Variants in USP10 observed in about 807,000 individuals in gnomAD.
USP10 encodes the protein ubiquitin carboxyl-terminal hydrolase 10.
USP10 carries 22 observed loss-of-function variants against 84.5 expected under a neutral mutation model. That is an observed-to-expected ratio of 0.26 (90% CI 0.19 to 0.37). USP10 has a LOEUF of 0.37. USP10 is among the 10% of genes least tolerant of loss of function. The pLI is 1.00. For synonymous variants in USP10, 454 were observed against 387.6 expected, an observed-to-expected ratio of 1.17 and a Z score of -2.01; for missense variants, 1,019 against 998.9, an observed-to-expected ratio of 1.02 and a Z score of -0.27.
chr16:84,773,500 G>A (rs182279230), intron 12 of USP10, among the ~76,000 whole-genome samples: 2 of 152,078 alleles, frequency 1.3e-5, no homozygotes, highest in Non-Finnish European at 2.9e-5. Flanking sequence ...GCTTCTAGCC[G>A]GCTCCCTGTC....
chr16:84,778,455 G>C (rs1915245615), intron 13 of USP10, among the ~76,000 whole-genome samples: 1 of 152,098 alleles, frequency 6.6e-6, no homozygotes, highest in African/African-American at 2.4e-5. Flanking sequence ...GGCTATTGAG[G>C]TTTTCCGTTT....
At chr16:84,774,216 C>G (rs373959539) in intron 12 of USP10, among the ~76,000 whole-genome samples, 85 of 151,954 alleles carry the variant, frequency 5.6e-4, no homozygotes, top group African/African-American at 2.0e-3. Flanking sequence ...GCACTCCAGC[C>G]TGGGCAACAG....
intron 2 of USP10, among the ~76,000 whole-genome samples, chr16:84,739,390 G>C (rs1286967096): frequency 6.6e-6 from 1 of 152,062 alleles, no homozygotes; most frequent in Non-Finnish European, 1.5e-5. Context: ...TCCTGCCTTA[G>C]CCTCCCAAGT....
At chr16:84,744,045 C>G (rs1461203084) in intron 3 of USP10, among the ~76,000 whole-genome samples, 2 of 141,154 alleles carry the variant, frequency 1.4e-5, no homozygotes, top group Non-Finnish European at 3.1e-5. Context: ...ATATAGGATT[C>G]TTTGTTGTTG....
At chr16:84,765,085 C>A (rs1362472009) in intron 10 of USP10, among the ~76,000 whole-genome samples, 5 of 150,302 alleles carry the variant, frequency 3.3e-5, no homozygotes, top group East Asian at 1.9e-4. Context: ...AAAAAAAAAA[C>A]CAGCTAACCA....
At chr16:84,751,259 A>G (rs915386750) in intron 4 of USP10, among the ~76,000 whole-genome samples, 3 of 152,244 alleles carry the variant, frequency 2.0e-5, no homozygotes, top group African/African-American at 4.8e-5. Context: ...TGATCCCACA[A>G]TGACAAAATT....
intron 4 of USP10, among the ~76,000 whole-genome samples, chr16:84,749,234 A>G (rs1246127031): frequency 1.3e-5 from 2 of 152,232 alleles, no homozygotes; most frequent in African/African-American, 4.8e-5. Context: ...GTTTGTTACA[A>G]GTCAGATCCA....
chr16:84,700,198 C>A, intron 1 of USP10, 87 bp downstream of exon 1: 2 of 1,057,760 alleles, frequency 1.9e-6, no homozygotes, highest in South Asian at 3.7e-5. Context: ...GCGCCCTGCC[C>A]GGAGCGAGCG....
At chr16:84,723,506 C>G (rs542536665) in intron 1 of USP10, among the ~76,000 whole-genome samples, 1 of 152,148 alleles carries the variant, frequency 6.6e-6, no homozygotes, top group African/African-American at 2.4e-5. Flanking sequence ...AGCCCACTGA[C>G]GCCTGGGAAG....
chr16:84,718,096 A>G (rs1907289977), intron 1 of USP10, among the ~76,000 whole-genome samples: 1 of 152,232 alleles, frequency 6.6e-6, no homozygotes, highest in African/African-American at 2.4e-5. Flanking sequence ...ACTTGACTAC[A>G]TTGCGAAGGG....
At position 84,707,658 on chromosome 16, in the gene USP10, T is replaced by A. The variant is rs147409889; in HGVS notation, c.21+7547T>A. 5.9e-5 allele frequency among the ~76,000 whole-genome samples: 9 copies of A among 152,378 alleles called. No individual in the cohort carries two copies. In the East Asian group the frequency reaches 1.7e-3, roughly 29 times the overall value. ...CAGTTTTCTTAGGTTTACCTAATTTTGCCAGGGAATGAAGCAGATATTCTG... is the reference window on the plus strand; with the variant it reads ...CAGTTTTCTTAGGTTTACCTAATTTAGCCAGGGAATGAAGCAGATATTCTG... On this transcript the variant is annotated intron_variant, in intron 1 of 13. Transcript: ENST00000219473.
chr16:84,711,576 T>G (rs1261938308), intron 1 of USP10, among the ~76,000 whole-genome samples: 4 of 152,218 alleles, frequency 2.6e-5, no homozygotes, highest in African/African-American at 9.6e-5. Flanking sequence ...CCCAAACTGG[T>G]GCTGAAATAA....
chr16:84,742,974 C>G (rs980822234), intron 3 of USP10, among the ~76,000 whole-genome samples: 6 of 152,168 alleles, frequency 3.9e-5, no homozygotes, highest in African/African-American at 1.4e-4. Context: ...ACAACACGTT[C>G]TAGTTTCTAA....
At chr16:84,735,213 GTGT>G (rs1482221141) in intron 2 of USP10, among the ~76,000 whole-genome samples, 2 of 63,082 alleles carry the variant, frequency 3.2e-5, no homozygotes, top group East Asian at 1.7e-3. Flanking sequence ...GTGTGTGTGT[GTGT>G]GTGTGTGTGT....
intron 1 of USP10, among the ~76,000 whole-genome samples, chr16:84,726,486 A>T (rs865909678): frequency 1.3e-5 from 2 of 152,230 alleles, no homozygotes; most frequent in Non-Finnish European, 2.9e-5. Flanking sequence ...TGAGGGCCGT[A>T]GTGGCCTCCA....
In USP10 at chr16:84,778,886, C is replaced by G; in HGVS notation, c.2210-9C>G. 2 of 1,611,138 alleles carry G rather than the reference C, an allele frequency of 1.2e-6. No individual in the cohort carries two copies. Among genetic ancestry groups the G allele is most frequent in the Non-Finnish European group, 8.5e-7 (1 of 1,178,242 alleles). On this transcript the variant is annotated splice_polypyrimidine_tract_variant and intron_variant, in intron 13 of 13. Transcript: ENST00000219473. ...TTCTCACTCTGCTGCCTGCTGGGCT[C>G]TCTTCCAGTGGTCTACCATCACGGC...
At chr16:84,749,574 TA>T (rs35825970) in intron 4 of USP10, among the ~76,000 whole-genome samples, 250 of 146,348 alleles carry the variant, frequency 1.7e-3, no homozygotes, top group East Asian at 5.3e-3. Flanking sequence ...ACCCCATCTT[TA>T]AAAAAAAAAA....
At chr16:84,705,969 A>T (rs1192861134) in intron 1 of USP10, among the ~76,000 whole-genome samples, 2 of 151,922 alleles carry the variant, frequency 1.3e-5, no homozygotes, top group Non-Finnish European at 2.9e-5. Context: ...TGATCCACCT[A>T]CCTTGGCCTC....
At chr16:84,756,261 G>C (rs921657784) in intron 4 of USP10, among the ~76,000 whole-genome samples, 4 of 152,214 alleles carry the variant, frequency 2.6e-5, no homozygotes, top group African/African-American at 9.6e-5. Context: ...GGCTCAGCAG[G>C]GGTTTACTCG....
Sources: gnomAD v4.1 joint callset for allele counts (sites outside exome capture counted in the v4.1 genomes callset) on GRCh38, gnomAD v4.1.1 for gene constraint, MANE v1.5 for transcripts, NCBI Gene and HGNC (gene_info 2026-07-23, HGNC 2026-07-21) for gene names.